KIF11: variants seen among roughly 807,000 people sequenced by gnomAD.
KIF11 encodes the protein kinesin-like protein KIF11.
A neutral mutation model predicts 121.0 loss-of-function variants in KIF11; 9 were observed. That is an observed-to-expected ratio of 0.07 (90% CI 0.04 to 0.13). The LOEUF (loss-of-function observed/expected upper bound fraction) is 0.13, where lower values mean the gene tolerates loss of function less well. KIF11 is among the 10% of genes least tolerant of loss of function. The probability of loss-of-function intolerance (pLI) is 1.00; values close to 1 mark genes in which losing one functional copy is unlikely to be tolerated. For synonymous variants in KIF11, 408 were observed against 421.0 expected (o/e 0.97, Z 0.38); for missense variants, 846 against 1,217.5 (o/e 0.69, Z 4.54).
intron 19 of KIF11, 131 bp downstream of exon 19, chr10:92,648,565 C>A: frequency 1.7e-6 from 1 of 591,872 alleles, no homozygotes; most frequent in South Asian, 2.3e-5. Flanking sequence ...GTAATCAACT[C>A]AAAATGGGAA....
At chr10:92,612,964 C>A (rs1450441266) in intron 6 of KIF11, 76 bp from the exon 7 acceptor site, 1 of 775,904 alleles carries the variant, frequency 1.3e-6, no homozygotes, top group Non-Finnish European at 2.1e-6. Flanking sequence ...GATCTTCTTT[C>A]CTGTTTTCAG....
chr10:92,632,969 TCC>T (rs1844755784), intron 13 of KIF11, among the ~76,000 whole-genome samples: 1 of 149,976 alleles, frequency 6.7e-6, no homozygotes. Context: ...TTTCCCTGAC[TCC>T]GGCTCCTGAC....
intron 10 of KIF11, among the ~76,000 whole-genome samples, chr10:92,623,672 T>C (rs7091887): frequency 4.4e-4 from 67 of 152,288 alleles, no homozygotes; most frequent in African/African-American, 1.5e-3. Context: ...AGATTGTGGG[T>C]TAGTGAACAG....
chr10:92,602,806 A>C (rs924153885), intron 1 of KIF11, among the ~76,000 whole-genome samples: 12 of 104,182 alleles, frequency 1.2e-4, no homozygotes, highest in Non-Finnish European at 1.8e-4. Context: ...CTGGTTACTT[A>C]AACACACACA....
At chr10:92,644,169 C>T (rs888503003) in intron 17 of KIF11, among the ~76,000 whole-genome samples, 1 of 152,114 alleles carries the variant, frequency 6.6e-6, no homozygotes, top group Non-Finnish European at 1.5e-5. Flanking sequence ...CAGAGTTTCC[C>T]AGTATGGTCT....
chr10:92,636,076 T>A (rs1367025995), intron 14 of KIF11, among the ~76,000 whole-genome samples: 1 of 152,232 alleles, frequency 6.6e-6, no homozygotes, highest in African/African-American at 2.4e-5. Flanking sequence ...AAGAACAACA[T>A]CTTTCACAAG....
At chr10:92,599,308 C>T (rs912914636) in intron 1 of KIF11, among the ~76,000 whole-genome samples, 3 of 151,590 alleles carry the variant, frequency 2.0e-5, no homozygotes, top group Admixed American at 6.6e-5. Flanking sequence ...CTCCTGATCA[C>T]GAGATCAGGA....
intron 1 of KIF11, among the ~76,000 whole-genome samples, chr10:92,593,738 G>T (rs1844259409): frequency 6.6e-6 from 1 of 152,158 alleles, no homozygotes; most frequent in Non-Finnish European, 1.5e-5. Flanking sequence ...ACTTCATGTA[G>T]TTTGTCAGTT....
At chr10:92,601,354 C>T (rs899236585) in intron 1 of KIF11, among the ~76,000 whole-genome samples, 9 of 151,836 alleles carry the variant, frequency 5.9e-5, no homozygotes, top group Admixed American at 3.9e-4. Context: ...GCATGTGCCA[C>T]CATAAACAGC....
intron 4 of KIF11, among the ~76,000 whole-genome samples, chr10:92,607,904 T>C (rs1268621223): frequency 6.6e-6 from 1 of 151,828 alleles, no homozygotes; most frequent in African/African-American, 2.4e-5. Context: ...CCTGTAATCC[T>C]AGCACTTTGG....
chr10:92,636,783 A>T (rs2135918789), intron 14 of KIF11, among the ~76,000 whole-genome samples: 1 of 152,110 alleles, frequency 6.6e-6, no homozygotes, highest in African/African-American at 2.4e-5. Flanking sequence ...CTGTAATCTC[A>T]GCACTTTGGG....
intron 12 of KIF11, 127 bp downstream of exon 12, chr10:92,630,491 T>A (rs1277560466): frequency 1.0e-5 from 5 of 492,820 alleles, no homozygotes; most frequent in Non-Finnish European, 1.7e-5. Context: ...TAAAAAACAT[T>A]ATTTTACTAT....
At chr10:92,601,367 A>AT (rs960882561) in intron 1 of KIF11, among the ~76,000 whole-genome samples, 60 of 143,132 alleles carry the variant, frequency 4.2e-4, no homozygotes, top group Middle Eastern at 7.7e-3. Context: ...TAAACAGCTA[A>AT]TTTTTTTTTT....
In KIF11 at chr10:92,613,647, T is replaced by G. The variant is rs184442382; in HGVS notation, c.1032+28T>G. ...AAGCCCTTTGAAAGGAAGCTGCAAG[T>G]GTAGTAGCTGTAATTCTTATTTGGC... On this transcript the variant is annotated intron_variant, in intron 8 of 21. Transcript: ENST00000260731. The surrounding 1 kb of genome is among the most constrained non-coding windows in gnomAD (Gnocchi z 4.2). 6.0e-5 allele frequency: 95 copies of G among 1,575,540 alleles called. No individual in the cohort carries two copies. The East Asian group carries it at 2.0e-3, about 34-fold the overall frequency.
chr10:92,645,692 A>G (rs1446432584), intron 18 of KIF11, 50 bp downstream of exon 18: 19 of 1,337,232 alleles, frequency 1.4e-5, no homozygotes, highest in Non-Finnish European at 2.0e-5. Context: ...ATAATCAGAA[A>G]GTTAAATATT....
chr10:92,624,089 C>T (rs577794298), intron 10 of KIF11, among the ~76,000 whole-genome samples: 84 of 152,202 alleles, frequency 5.5e-4, no homozygotes, highest in Middle Eastern at 3.4e-3. Context: ...TTCCCTTCCT[C>T]ATGTCCATGT....
intron 1 of KIF11, among the ~76,000 whole-genome samples, chr10:92,602,844 G>GTA (rs1252192759): frequency 1.3e-5 from 2 of 150,368 alleles, no homozygotes; most frequent in Non-Finnish European, 3.0e-5. Context: ...GTGTGTGTGT[G>GTA]TGTGTGTGTG....
intron 1 of KIF11, among the ~76,000 whole-genome samples, chr10:92,601,489 G>A (rs7068118): frequency 2.4e-4 from 37 of 151,980 alleles, no homozygotes; most frequent in Non-Finnish European, 4.1e-4. Flanking sequence ...GATTACAGGC[G>A]TGAGCCACCA....
intron 6 of KIF11, among the ~76,000 whole-genome samples, chr10:92,610,960 A>G (rs1844489132): frequency 6.6e-6 from 1 of 152,148 alleles, no homozygotes; most frequent in African/African-American, 2.4e-5. Context: ...AATTTTGAGA[A>G]CTGAACTAAA....
Sources: gnomAD v4.1 joint callset for allele counts (sites outside exome capture counted in the v4.1 genomes callset) on GRCh38, gnomAD v4.1.1 for gene constraint, Gnocchi (gnomAD v3.1) non-coding constraint, MANE v1.5 for transcripts, NCBI Gene and HGNC (gene_info 2026-07-23, HGNC 2026-07-21) for gene names.